ST3GAL2: variants seen among roughly 807,000 people sequenced by gnomAD.
ST3GAL2 encodes the protein ST3 beta-galactoside alpha-2,3-sialyltransferase 2.
ST3GAL2 carries 16 observed loss-of-function variants against 37.5 expected under a neutral mutation model. The observed-to-expected ratio is 0.43, with a 90% CI of 0.29 to 0.65. The LOEUF (loss-of-function observed/expected upper bound fraction) is 0.65, where lower values mean the gene tolerates loss of function less well. ST3GAL2 is among the 30% of genes least tolerant of loss of function. ST3GAL2 has a pLI of 0.17. For synonymous variants in ST3GAL2, 238 were observed against 202.9 expected (o/e 1.17, Z -1.47); for missense variants, 383 against 487.8 (o/e 0.79, Z 2.02).
chr16:70,379,991 T>C lies in ST3GAL2; in HGVS notation c.*1698A>G, dbSNP rs1456353228. Reference sequence around the variant, plus strand: ...AAAAGAAATAAATTATTCTGCTCAATACTGTTTGGCATAATTGCATTGCTT... The same window carrying C: ...AAAAGAAATAAATTATTCTGCTCAACACTGTTTGGCATAATTGCATTGCTT... On this transcript the variant is annotated 3_prime_UTR_variant, in exon 7 of 7. Transcript: ENST00000342907. The C allele has an allele frequency of 6.6e-6, 1 of 152,186 alleles. No homozygotes were observed. The highest frequency in any genetic ancestry group is 1.5e-5 in the Non-Finnish European group (1 of 68,058). The allele number at this position is 152,186 out of a possible 1,614,324, so 9.4% of individuals were successfully genotyped here.
intron 1 of ST3GAL2, among the ~76,000 whole-genome samples, chr16:70,416,663 A>G (rs2047678638): frequency 6.6e-6 from 1 of 152,230 alleles, no homozygotes; most frequent in South Asian, 2.1e-4. Flanking sequence ...TATGAAAGTG[A>G]TAATTATATT....
intron 1 of ST3GAL2, among the ~76,000 whole-genome samples, chr16:70,414,979 T>C (rs1016024995): frequency 5.3e-5 from 8 of 152,180 alleles, no homozygotes; most frequent in African/African-American, 1.9e-4. Context: ...GTTCATGCCA[T>C]TCTCCTGCGT....
At chr16:70,409,786 C>G (rs987662193) in intron 1 of ST3GAL2, among the ~76,000 whole-genome samples, 17 of 151,322 alleles carry the variant, frequency 1.1e-4, no homozygotes, top group African/African-American at 4.1e-4. Flanking sequence ...CATAGGCATA[C>G]GCCACCAGAC....
intron 1 of ST3GAL2, among the ~76,000 whole-genome samples, chr16:70,427,614 G>A (rs1240951727): frequency 6.6e-6 from 1 of 152,284 alleles, no homozygotes; most frequent in East Asian, 1.9e-4. Context: ...TGGGATTACA[G>A]GCGTGAGCCA....
At chr16:70,411,573 T>G (rs1016604139) in intron 1 of ST3GAL2, among the ~76,000 whole-genome samples, 17 of 152,114 alleles carry the variant, frequency 1.1e-4, no homozygotes, top group Non-Finnish European at 2.2e-4. Context: ...TCCTTCATGT[T>G]CCTATGTGAC....
intron 1 of ST3GAL2, among the ~76,000 whole-genome samples, chr16:70,401,623 CCCA>C (rs1421235275): frequency 2.0e-5 from 3 of 152,202 alleles, no homozygotes; most frequent in Admixed American, 6.5e-5. Context: ...CCCTCAGCTG[CCCA>C]CCACGTCATG....
intron 1 of ST3GAL2, among the ~76,000 whole-genome samples, chr16:70,420,825 A>G (rs878945934): frequency 6.6e-6 from 1 of 152,228 alleles, no homozygotes; most frequent in Admixed American, 6.5e-5. Flanking sequence ...CAGAAGACTA[A>G]AAGGAAGCCA....
Position 70,388,437 on chromosome 16 carries a change from C to T in ST3GAL2, c.643G>A (p.Val215Met), listed in dbSNP as rs534788834. The T allele has an allele frequency of 2.5e-6, 4 of 1,614,108 alleles. No homozygotes were observed. The highest frequency in any genetic ancestry group is 1.7e-5 in the Admixed American group (1 of 60,010). Residue 215 changes from valine to methionine, a missense_variant, in exon 4 of 7, where the codon GTG (valine) becomes ATG (methionine). Val to Met is a conservative substitution (Grantham distance 21, BLOSUM62 1). Around this residue, in one of 2 missense-constraint regions of ST3GAL2, gnomAD observed 160 missense variants for 248.6 expected, o/e 0.64. Coordinates refer to ENST00000342907, the MANE Select transcript of ST3GAL2 (RefSeq NM_006927.4). ...AKNLPANVSF[V>M]LVPFKVLDLL... is the part of the protein sequence containing the mutation. The stretch of plus-strand genomic sequence containing the variant: ...TCCAGGACCTTGAAGGGCACCAGCA[C>T]GAAGCTGACGTTGGCGGGCAGGTTC...
intron 1 of ST3GAL2, among the ~76,000 whole-genome samples, chr16:70,409,153 C>G (rs897481544): frequency 2.6e-5 from 4 of 152,062 alleles, no homozygotes; most frequent in African/African-American, 9.7e-5. Context: ...AAAAACAGTT[C>G]TCGGCTGGTT....
intron 1 of ST3GAL2, among the ~76,000 whole-genome samples, chr16:70,408,902 AAAAAAAAAAAAAAAAAAAAAAAAAAG>A (rs1414188981): frequency 2.4e-4 from 25 of 104,112 alleles, no homozygotes; most frequent in East Asian, 1.2e-3. Flanking sequence ...AAAAAAAAAA[AAAAAAAAAAAAAAAAAAAAAAAAAAG>A]AAAGAAAAAA....
intron 1 of ST3GAL2, among the ~76,000 whole-genome samples, chr16:70,422,549 T>A (rs1180554512): frequency 6.6e-6 from 1 of 151,544 alleles, no homozygotes; most frequent in African/African-American, 2.4e-5. Context: ...GACACAGGAG[T>A]GAGAGGCTCA....
intron 1 of ST3GAL2, among the ~76,000 whole-genome samples, chr16:70,430,650 C>T (rs2047783640): frequency 6.6e-6 from 1 of 152,170 alleles, no homozygotes; most frequent in Non-Finnish European, 1.5e-5. Flanking sequence ...ACTAAACAGG[C>T]CTGGATCCAG....
chr16:70,438,993 G>A lies in ST3GAL2; in HGVS notation c.-1048C>T. On this transcript the variant is annotated 5_prime_UTR_variant, in exon 1 of 7. Coordinates refer to ENST00000342907, the MANE Select transcript of ST3GAL2 (RefSeq NM_006927.4). The stretch of plus-strand genomic sequence containing the variant: ...CGCGCGGGCCATGCTCGCCGCTCCG[G>A]CCGCCGCCGCCGCCCGCGCAGAAAG... 1 of 156,690 alleles carries A rather than the reference G, an allele frequency of 6.4e-6. No homozygotes were observed. The highest frequency in any genetic ancestry group is 1.4e-5 in the Non-Finnish European group (1 of 73,780). The allele number at this position is 156,690 out of a possible 1,614,324, so 9.7% of individuals were successfully genotyped here.
chr16:70,404,187 C>T (rs1343916008), intron 1 of ST3GAL2, among the ~76,000 whole-genome samples: 1 of 151,934 alleles, frequency 6.6e-6, no homozygotes, highest in Non-Finnish European at 1.5e-5. Flanking sequence ...CAAGAGTAGG[C>T]GGCTCAGGAC....
rs1379925218 is a variant in ST3GAL2, at chr16:70,376,148, C to G, written c.*5541G>C. The G allele has an allele frequency of 1.3e-5, 2 of 152,238 alleles. No individual in the cohort carries two copies. Among genetic ancestry groups the G allele is most frequent in the Non-Finnish European group, 2.9e-5 (2 of 68,052 alleles). 9.4% of individuals were successfully genotyped at this position (152,238 alleles called of 1,614,324 possible). A position where few individuals can be genotyped will look rare whatever the true frequency, so the allele number is the denominator to read the frequency against. ...CCTGCGAAGGGGCAGCGTCTCTTCC[C>G]TCTGTGGTCCCCTTTACCCATTCCA... On this transcript the variant is annotated 3_prime_UTR_variant, in exon 7 of 7. Transcript: ENST00000342907.
In ST3GAL2 at chr16:70,381,452, G is replaced by A. The variant is rs879907705; in HGVS notation, c.*237C>T. ...GAAGGCCATTGATTGGAGGAGACTG[G>A]ACACAGCGCCGGAAGTTTTCCTTGA... On this transcript the variant is annotated 3_prime_UTR_variant, in exon 7 of 7. Coordinates refer to ENST00000342907, the MANE Select transcript of ST3GAL2 (RefSeq NM_006927.4). 108 of 566,682 alleles carry A rather than the reference G, an allele frequency of 1.9e-4. No homozygotes were observed. The Middle Eastern group carries it at 6.7e-3, about 35-fold the overall frequency. 35.1% of individuals were successfully genotyped at this position (566,682 alleles called of 1,614,324 possible).
intron 1 of ST3GAL2, among the ~76,000 whole-genome samples, chr16:70,425,328 G>A (rs1461471556): frequency 6.6e-6 from 1 of 152,180 alleles, no homozygotes; most frequent in Non-Finnish European, 1.5e-5. Flanking sequence ...TGGGCGTGGT[G>A]ATGTGCGCCT....
chr16:70,412,313 AT>A (rs1279979837), intron 1 of ST3GAL2, among the ~76,000 whole-genome samples: 4 of 152,156 alleles, frequency 2.6e-5, no homozygotes, highest in African/African-American at 9.7e-5. Flanking sequence ...CTAATTGTCA[AT>A]TCTTTGAATT....
chr16:70,415,492 G>C (rs1321692487), intron 1 of ST3GAL2, among the ~76,000 whole-genome samples: 1 of 152,032 alleles, frequency 6.6e-6, no homozygotes, highest in Admixed American at 6.5e-5. Context: ...GAAGATATTC[G>C]TAAAGTTAAC....
Sources: allele counts gnomAD v4.1 joint callset (sites outside exome capture counted in the v4.1 genomes callset), GRCh38; gene constraint gnomAD v4.1.1; regional missense constraint gnomAD v4.1.1; transcripts MANE v1.5; gene names NCBI Gene and HGNC (gene_info 2026-07-23, HGNC 2026-07-21).